SMARCA2: variants seen among roughly 807,000 people sequenced by gnomAD.
The protein encoded by SMARCA2 is SWI/SNF related BAF chromatin remodeling complex subunit ATPase 2.
SMARCA2 carries 61 observed loss-of-function variants against 199.8 expected under a neutral mutation model. The ratio of observed to expected loss-of-function variants is 0.31; its 90% CI spans 0.25 to 0.38. The LOEUF is 0.38. Ranked by LOEUF, SMARCA2 falls within the 10% of genes least tolerant of loss-of-function variation. SMARCA2 has a pLI of 1.00. For missense variants in SMARCA2, 1,344 were observed against 2,012.2 expected (o/e 0.67, Z 6.35); for synonymous variants, 935 against 732.0 (o/e 1.28, Z -4.48).
intron 8 of SMARCA2, among the ~76,000 whole-genome samples, chr9:2,059,297 A>G (rs1820484233): frequency 6.6e-6 from 1 of 152,144 alleles, no homozygotes; most frequent in South Asian, 2.1e-4. Flanking sequence ...TCTAAGTGAC[A>G]CTGTCTTCCT....
chr9:2,143,961 A>G (rs560590636), intron 27 of SMARCA2, among the ~76,000 whole-genome samples: 111 of 152,312 alleles, frequency 7.3e-4, no homozygotes, highest in African/African-American at 2.5e-3. Flanking sequence ...GAGAAAAGAC[A>G]TACAAAATGT....
chr9:2,031,122 G>A (rs78128106), intron 2 of SMARCA2, among the ~76,000 whole-genome samples: 22,722 of 151,840 alleles, frequency 0.15, 1,902 homozygotes, highest in Admixed American at 0.22. Context: ...TGCTATTATA[G>A]AATCATGTTG....
rs145095906 is a variant in SMARCA2, at chr9:2,182,478, CTT to C, written c.4461+262_4461+263del. Among the ~76,000 whole-genome samples, 101 of 96,700 alleles carry C rather than the reference CTT, an allele frequency of 1.0e-3. 1 individual carries two copies. Among genetic ancestry groups the C allele is most frequent in the African/African-American group, 2.8e-3 (76 of 26,954 alleles). 63.4% of individuals were successfully genotyped at this position (96,700 alleles called of 152,430 possible). A position where few individuals can be genotyped will look rare whatever the true frequency, so the allele number is the denominator to read the frequency against. On this transcript the variant is annotated intron_variant, in intron 31 of 33. Transcript: ENST00000349721. Reference sequence around the variant, plus strand: ...CACACTTCTTTTCAAAGCTTATAGTCTTTTTTTTTTTTTTTTTTTTTTTTTTT... The same window carrying C: ...CACACTTCTTTTCAAAGCTTATAGTCTTTTTTTTTTTTTTTTTTTTTTTTT...
At chr9:2,160,205 G>A (rs1236202274) in intron 27 of SMARCA2, 1 of 379,926 alleles carries the variant, frequency 2.6e-6, no homozygotes, top group South Asian at 5.4e-5. Flanking sequence ...ATGCAATAAT[G>A]TGAAGCTTTT....
At chr9:2,191,083 A>C (rs1365191648) in intron 32 of SMARCA2, among the ~76,000 whole-genome samples, 183 bp from the exon 33 acceptor site, 4 of 152,164 alleles carry the variant, frequency 2.6e-5, no homozygotes, top group African/African-American at 7.2e-5. Context: ...CCAAAAGAAG[A>C]CAGGTTGGCA....
intron 23 of SMARCA2, among the ~76,000 whole-genome samples, chr9:2,107,001 T>A (rs1056594300): frequency 1.9e-4 from 29 of 152,320 alleles, no homozygotes; most frequent in African/African-American, 6.5e-4. Flanking sequence ...GATGTTAGTA[T>A]TGAGCACGTT....
chr9:2,061,979 A>T (rs950291538), intron 9 of SMARCA2, among the ~76,000 whole-genome samples: 1 of 152,166 alleles, frequency 6.6e-6, no homozygotes, highest in Non-Finnish European at 1.5e-5. Flanking sequence ...GTGTTTAGAC[A>T]TTTTGTTGGT....
chr9:2,041,855 A>G (rs78765636), intron 4 of SMARCA2: 2,263 of 153,248 alleles, frequency 0.015, 69 homozygotes, highest in African/African-American at 0.052. Flanking sequence ...GCACGTATGT[A>G]TATGTGTGTG....
intron 27 of SMARCA2, among the ~76,000 whole-genome samples, chr9:2,124,854 T>G (rs2130630131): frequency 6.6e-6 from 1 of 152,290 alleles, no homozygotes; most frequent in Non-Finnish European, 1.5e-5. Flanking sequence ...GGGAGTAGAC[T>G]TAGTACCTAG....
chr9:2,082,558 C>T (rs1821613614), intron 15 of SMARCA2, among the ~76,000 whole-genome samples: 1 of 152,240 alleles, frequency 6.6e-6, no homozygotes, highest in African/African-American at 2.4e-5. Flanking sequence ...AGTGCCTCAC[C>T]TGCTAGGTGG....
At chr9:2,158,828 T>A (rs980546889) in intron 27 of SMARCA2, 1 of 916,378 alleles carries the variant, frequency 1.1e-6, no homozygotes, top group Non-Finnish European at 1.6e-6. Context: ...GGGAAGTGTT[T>A]AGTGAATTGA....
At chr9:2,167,182 G>T (rs1825975437) in intron 28 of SMARCA2, among the ~76,000 whole-genome samples, 1 of 152,172 alleles carries the variant, frequency 6.6e-6, no homozygotes, top group Non-Finnish European at 1.5e-5. Flanking sequence ...GCTTTTCCAG[G>T]ATTTAATTAG....
Position 2,192,799 on chromosome 9 carries a change from C to G in SMARCA2, c.*60C>G. Reference sequence around the variant, plus strand: ...TCCTTCCTCCCCTGTCTCATTTCTACCCAGTGAGTTCATTTGTCATATAGG... The same window carrying G: ...TCCTTCCTCCCCTGTCTCATTTCTAGCCAGTGAGTTCATTTGTCATATAGG... On this transcript the variant is annotated 3_prime_UTR_variant, in exon 34 of 34. Transcript: ENST00000349721. The G allele has an allele frequency of 8.0e-7, 1 of 1,249,416 alleles. No homozygotes were observed. Among genetic ancestry groups the G allele is most frequent in the Non-Finnish European group, 1.2e-6 (1 of 849,384 alleles). 77.4% of individuals were successfully genotyped at this position (1,249,416 alleles called of 1,614,324 possible).
In SMARCA2 at chr9:2,028,988, A is replaced by ATT. The variant is rs1410934417; in HGVS notation, c.-34_-33dup. ...CCTTTTTTCTGCTTTTCAACTTAGCATTACTCTACTGACTGGCAGAGACAG... is the reference window on the plus strand; with the variant it reads ...CCTTTTTTCTGCTTTTCAACTTAGCATTTTACTCTACTGACTGGCAGAGACAG... On this transcript the variant is annotated splice_region_variant and 5_prime_UTR_variant, in exon 2 of 34. Coordinates refer to ENST00000349721, the MANE Select transcript of SMARCA2 (RefSeq NM_003070.5). The ATT allele has an allele frequency of 1.3e-6, 2 of 1,542,984 alleles. No homozygotes were observed. The highest frequency in any genetic ancestry group is 1.7e-6 in the Non-Finnish European group (2 of 1,145,368).
At chr9:2,103,636 G>A (rs983978813) in intron 22 of SMARCA2, among the ~76,000 whole-genome samples, 1 of 143,338 alleles carries the variant, frequency 7.0e-6, no homozygotes, top group African/African-American at 2.9e-5. Flanking sequence ...ATATACGTGT[G>A]TGTGTACGTG....
At chr9:2,091,975 A>G (rs1420500861) in intron 19 of SMARCA2, among the ~76,000 whole-genome samples, 1 of 152,218 alleles carries the variant, frequency 6.6e-6, no homozygotes, top group Non-Finnish European at 1.5e-5. Context: ...CTAATGAAAC[A>G]CTTAATGAGC....
intron 10 of SMARCA2, among the ~76,000 whole-genome samples, chr9:2,072,432 A>T (rs1337070424): frequency 6.6e-6 from 1 of 152,198 alleles, no homozygotes; most frequent in African/African-American, 2.4e-5. Context: ...ATTTTTGGTC[A>T]ATTTGCCAGA....
rs551604065 is a variant in SMARCA2 at position 2,097,366 on chromosome 9, C to A, written c.2992-19C>A. On this transcript the variant is annotated intron_variant, in intron 20 of 33. Transcript: ENST00000349721. ...CAGTTAATAATTAATTCTATTTTTCCCTTTCCACTGGTTCTTAGGGGAAAG... is the reference window on the plus strand; with the variant it reads ...CAGTTAATAATTAATTCTATTTTTCACTTTCCACTGGTTCTTAGGGGAAAG... 5.6e-5 allele frequency: 85 copies of A among 1,505,638 alleles called. 1 individual carries two copies. The South Asian group carries it at 8.1e-4, about 14-fold the overall frequency. 93.3% of individuals were successfully genotyped at this position (1,505,638 alleles called of 1,614,324 possible). A position where few individuals can be genotyped will look rare whatever the true frequency, so the allele number is the denominator to read the frequency against.
At chr9:2,166,157 C>T (rs1211699048) in intron 28 of SMARCA2, among the ~76,000 whole-genome samples, 1 of 152,214 alleles carries the variant, frequency 6.6e-6, no homozygotes, top group Non-Finnish European at 1.5e-5. Flanking sequence ...TACCTCAGGA[C>T]ATTGTCCTTC....
Sources: gnomAD v4.1 joint callset for allele counts (sites outside exome capture counted in the v4.1 genomes callset) on GRCh38, gnomAD v4.1.1 for gene constraint, MANE v1.5 for transcripts, NCBI Gene and HGNC (gene_info 2026-07-23, HGNC 2026-07-21) for gene names.